TBC1D5: variants seen among roughly 807,000 people sequenced by gnomAD.
The protein encoded by TBC1D5 is TBC1 domain family member 5, also known as TBC1 domain family, member 5.
TBC1D5 carries 75 observed loss-of-function variants against 100.3 expected under a neutral mutation model. The ratio of observed to expected loss-of-function variants is 0.75; its 90% confidence interval spans 0.62 to 0.91. The LOEUF is 0.91. Among genes scored for constraint, TBC1D5 ranks in the 40% least tolerant of loss-of-function variants. The pLI is 0.00. For synonymous variants in TBC1D5, 323 were observed against 325.6 expected (o/e 0.99, Z 0.09); for missense variants, 910 against 942.4 (o/e 0.97, Z 0.45).
chr3:17,331,317 C>A (rs2086838530), intron 13 of TBC1D5, among the ~76,000 whole-genome samples: 1 of 152,148 alleles, frequency 6.6e-6, no homozygotes, highest in African/African-American at 2.4e-5. Flanking sequence ...CTCCAATAAT[C>A]AAGTCTTTAA....
intron 15 of TBC1D5, among the ~76,000 whole-genome samples, chr3:17,266,796 TG>T (rs1301564463): frequency 1.3e-5 from 2 of 152,092 alleles, no homozygotes; most frequent in Non-Finnish European, 2.9e-5. Context: ...TGTATTTTGA[TG>T]GGAAAACATA....
At chr3:17,427,054 C>T (rs989396407) in intron 4 of TBC1D5, among the ~76,000 whole-genome samples, 1 of 151,894 alleles carries the variant, frequency 6.6e-6, no homozygotes, top group African/African-American at 2.4e-5. Flanking sequence ...ATGACACACT[C>T]GAATAGGGGA....
intron 1 of TBC1D5, among the ~76,000 whole-genome samples, chr3:17,664,508 A>C (rs1226334678): frequency 6.6e-6 from 1 of 152,260 alleles, no homozygotes; most frequent in South Asian, 2.1e-4. Context: ...ATTTTACAAA[A>C]GAATTACAGA....
intron 2 of TBC1D5, among the ~76,000 whole-genome samples, chr3:17,514,566 A>T (rs915395866): frequency 5.3e-5 from 8 of 152,356 alleles, no homozygotes; most frequent in Non-Finnish European, 1.0e-4. Context: ...ATTCACTGTA[A>T]ATTAAAATAC....
intron 2 of TBC1D5, among the ~76,000 whole-genome samples, chr3:17,613,705 T>C (rs1279459612): frequency 1.3e-5 from 2 of 152,364 alleles, no homozygotes; most frequent in East Asian, 1.9e-4. Flanking sequence ...AGCCTTTTCA[T>C]ATCCTTTGCC....
At chr3:17,497,169 CTTGT>C (rs2150711281) in intron 3 of TBC1D5, among the ~76,000 whole-genome samples, 1 of 150,376 alleles carries the variant, frequency 6.6e-6, no homozygotes, top group South Asian at 2.1e-4. Flanking sequence ...CTGGCTCCTT[CTTGT>C]TTGTTATTAA....
At chr3:17,684,548 A>T (rs1005364431) in intron 1 of TBC1D5, among the ~76,000 whole-genome samples, 6 of 152,060 alleles carry the variant, frequency 3.9e-5, no homozygotes, top group Non-Finnish European at 7.4e-5. Context: ...ACTTTAACCT[A>T]TTCATTAAAC....
In TBC1D5 at chr3:17,160,700, T is replaced by G. The variant is rs77121653; in HGVS notation, c.*263A>C. The G allele has an allele frequency of 2.6e-3, 1,189 of 456,716 alleles. 22 individuals carry two copies. In the East Asian group the frequency reaches 0.037, roughly 14 times the overall value. The allele number at this position is 456,716 out of a possible 1,614,324, so 28.3% of individuals were successfully genotyped here. ...GTGAGTGTGATACTGGGTACGTAACTCAGCTCTAACTCAGAGCAAGAGTCG... is the reference window on the plus strand; with the variant it reads ...GTGAGTGTGATACTGGGTACGTAACGCAGCTCTAACTCAGAGCAAGAGTCG... On this transcript the variant is annotated 3_prime_UTR_variant, in exon 22 of 22. Transcript: ENST00000253692.
At chr3:17,446,550 G>A (rs2094799548) in intron 3 of TBC1D5, among the ~76,000 whole-genome samples, 1 of 152,110 alleles carries the variant, frequency 6.6e-6, no homozygotes, top group African/African-American at 2.4e-5. Flanking sequence ...AAATCTAAGA[G>A]GAAATGTAAT....
At chr3:17,185,914 T>A (rs541559636) in intron 18 of TBC1D5, among the ~76,000 whole-genome samples, 8 of 151,972 alleles carry the variant, frequency 5.3e-5, no homozygotes, top group Non-Finnish European at 7.4e-5. Flanking sequence ...TAAGTTAAAT[T>A]ATCTAAAAAC....
chr3:17,200,136 C>T (rs975716696), intron 18 of TBC1D5, among the ~76,000 whole-genome samples: 2 of 152,096 alleles, frequency 1.3e-5, no homozygotes, highest in Non-Finnish European at 2.9e-5. Context: ...TAACATAAGG[C>T]CAATTTGTTC....
At chr3:17,189,135 A>G (rs1177639448) in intron 18 of TBC1D5, among the ~76,000 whole-genome samples, 3 of 152,230 alleles carry the variant, frequency 2.0e-5, no homozygotes, top group African/African-American at 4.8e-5. Flanking sequence ...ATGAGAACAT[A>G]TGGAGAACAC....
intron 3 of TBC1D5, among the ~76,000 whole-genome samples, chr3:17,443,191 T>C (rs2094705669): frequency 6.6e-6 from 1 of 152,174 alleles, no homozygotes; most frequent in Non-Finnish European, 1.5e-5. Flanking sequence ...TTGAGAAGTT[T>C]ATTTTATTTT....
At chr3:17,160,961 G>A in exon 22 of TBC1D5, 4 of 1,612,346 alleles carry the variant, frequency 2.5e-6, no homozygotes, top group Non-Finnish European at 3.4e-6. Flanking sequence ...TGGGCACTGT[G>A]GTCAGATGTC....
intron 8 of TBC1D5, among the ~76,000 whole-genome samples, chr3:17,392,081 C>A (rs1025581874): frequency 6.6e-6 from 1 of 151,946 alleles, no homozygotes; most frequent in East Asian, 1.9e-4. Context: ...AAATCTAGGA[C>A]AAAGACAGGC....
chr3:17,318,940 C>A (rs1463655475), intron 13 of TBC1D5, among the ~76,000 whole-genome samples: 1 of 152,088 alleles, frequency 6.6e-6, no homozygotes, highest in Non-Finnish European at 1.5e-5. Flanking sequence ...AGCTATAGGA[C>A]CCTACAAGAT....
At chr3:17,482,860 C>A (rs1181145015) in intron 3 of TBC1D5, among the ~76,000 whole-genome samples, 1 of 152,074 alleles carries the variant, frequency 6.6e-6, no homozygotes, top group African/African-American at 2.4e-5. Flanking sequence ...TTGGGGAGAT[C>A]TCCTATATCT....
intron 2 of TBC1D5, among the ~76,000 whole-genome samples, chr3:17,579,045 A>C (rs1184798543): frequency 6.6e-6 from 1 of 152,064 alleles, no homozygotes; most frequent in East Asian, 1.9e-4. Context: ...TTGAGGCAAA[A>C]TTATTGTTCA....
intron 2 of TBC1D5, among the ~76,000 whole-genome samples, chr3:17,614,890 G>A (rs1244633019): frequency 6.6e-6 from 1 of 152,160 alleles, no homozygotes; most frequent in Non-Finnish European, 1.5e-5. Flanking sequence ...TCTCTTGCCT[G>A]ATTGCCCTGG....
Sources: allele counts gnomAD v4.1 joint callset (sites outside exome capture counted in the v4.1 genomes callset), GRCh38; gene constraint gnomAD v4.1.1; transcripts MANE v1.5; gene names NCBI Gene and HGNC (gene_info 2026-07-23, HGNC 2026-07-21).